HMGB1: variants seen among roughly 807,000 people sequenced by gnomAD.
HMGB1 encodes high mobility group box 1.
For missense variants in HMGB1, 79 were observed against 253.5 expected (o/e 0.31, Z 4.67); for synonymous variants, 81 against 84.0 (o/e 0.96, Z 0.19).
chr13:30,471,156 G>C (rs765275875), intron 1 of HMGB1, among the ~76,000 whole-genome samples: 5 of 151,592 alleles, frequency 3.3e-5, no homozygotes, highest in Non-Finnish European at 7.4e-5. Context: ...ATTTTTAGTA[G>C]AGACAGGGTT....
intron 1 of HMGB1, chr13:30,464,448 T>C: frequency 1.0e-6 from 1 of 985,180 alleles, no homozygotes; most frequent in Non-Finnish European, 1.2e-6. Context: ...CCGTGAAAGT[T>C]GGGGTGACTC....
At chr13:30,579,261 T>A (rs1416034516) in intron 1 of HMGB1, among the ~76,000 whole-genome samples, 1 of 152,164 alleles carries the variant, frequency 6.6e-6, no homozygotes, top group Non-Finnish European at 1.5e-5. Context: ...CATTATATCA[T>A]CACTTTTCAC....
At chr13:30,497,012 C>T (rs1887623134) in intron 1 of HMGB1, among the ~76,000 whole-genome samples, 1 of 152,156 alleles carries the variant, frequency 6.6e-6, no homozygotes, top group African/African-American at 2.4e-5. Context: ...CATCCCCTCC[C>T]CAGCCTTCAG....
intron 1 of HMGB1, among the ~76,000 whole-genome samples, chr13:30,487,424 G>A (rs1054233417): frequency 3.3e-5 from 5 of 152,202 alleles, no homozygotes; most frequent in African/African-American, 7.2e-5. Context: ...GCTGTTTCAC[G>A]TATCCTTTCC....
At chr13:30,591,019 G>C (rs1410010107) in intron 1 of HMGB1, among the ~76,000 whole-genome samples, 1 of 149,826 alleles carries the variant, frequency 6.7e-6, no homozygotes, top group Non-Finnish European at 1.5e-5. Flanking sequence ...TAGAAAAGGA[G>C]GCAGGGCCTT....
chr13:30,576,640 T>C (rs2137538565), intron 1 of HMGB1, among the ~76,000 whole-genome samples: 1 of 151,996 alleles, frequency 6.6e-6, no homozygotes, highest in Non-Finnish European at 1.5e-5. Flanking sequence ...TGACCCAGCC[T>C]GTGGCTTCCA....
intron 1 of HMGB1, among the ~76,000 whole-genome samples, chr13:30,512,872 CAT>C (rs1888022347): frequency 6.6e-6 from 1 of 152,120 alleles, no homozygotes; most frequent in Non-Finnish European, 1.5e-5. Context: ...TGTAAAACCA[CAT>C]GACTAGGGCC....
chr13:30,614,769 T>C (rs1319206613), intron 1 of HMGB1, among the ~76,000 whole-genome samples: 2 of 152,108 alleles, frequency 1.3e-5, no homozygotes, highest in Admixed American at 6.5e-5. Flanking sequence ...TAATCTCAGC[T>C]CATTGCAATC....
intron 1 of HMGB1, among the ~76,000 whole-genome samples, chr13:30,482,519 G>A (rs1444759834): frequency 2.0e-5 from 3 of 152,146 alleles, no homozygotes; most frequent in African/African-American, 4.8e-5. Flanking sequence ...TGGGGTGGGT[G>A]TTATTTTCCT....
At position 30,461,023 on chromosome 13, in the gene HMGB1, C is replaced by A. The variant is rs1886292065; in HGVS notation, c.*334G>T. The A allele has an allele frequency of 2.6e-6, 2 of 755,530 alleles. No individual in the cohort carries two copies. Among genetic ancestry groups the A allele is most frequent in the East Asian group, 1.0e-4 (1 of 9,550 alleles). The allele number at this position is 755,530 out of a possible 1,614,324, so 46.8% of individuals were successfully genotyped here. On this transcript the variant is annotated 3_prime_UTR_variant, in exon 5 of 5. Coordinates refer to ENST00000341423, the MANE Select transcript of HMGB1 (RefSeq NM_002128.7). ...AACAACAATTATTTCGTATAAGCTG[C>A]ATCAGAGACAACTGAAGATGAAAAA... is the stretch of plus-strand genomic sequence containing the variant.
chr13:30,481,807 T>C (rs146719859), intron 1 of HMGB1, among the ~76,000 whole-genome samples: 6 of 152,296 alleles, frequency 3.9e-5, no homozygotes, highest in East Asian at 3.9e-4. Context: ...ATTAGCCTGA[T>C]ATGCCAGCTC....
At chr13:30,603,637 G>A (rs17074775) in intron 1 of HMGB1, among the ~76,000 whole-genome samples, 14,154 of 152,222 alleles carry the variant, frequency 0.093, 633 homozygotes, top group Middle Eastern at 0.13. Flanking sequence ...AAATCTGCAT[G>A]AGCAGCCCAG....
chr13:30,611,551 T>C (rs1950513154), intron 1 of HMGB1, among the ~76,000 whole-genome samples: 1 of 152,210 alleles, frequency 6.6e-6, no homozygotes, highest in Admixed American at 6.5e-5. Flanking sequence ...AAATTCACCT[T>C]TGTGAGGGTC....
intron 1 of HMGB1, among the ~76,000 whole-genome samples, chr13:30,504,812 G>C (rs979091801): frequency 5.9e-5 from 9 of 152,170 alleles, no homozygotes. Context: ...TTGGAGGTGA[G>C]AGAACGAAGG....
intron 1 of HMGB1, among the ~76,000 whole-genome samples, chr13:30,579,893 A>G (rs987099844): frequency 1.3e-5 from 2 of 152,236 alleles, no homozygotes; most frequent in Admixed American, 6.5e-5. Flanking sequence ...GTGAAATAAA[A>G]AATGACTACT....
intron 1 of HMGB1, among the ~76,000 whole-genome samples, chr13:30,575,275 C>G (rs148266781): frequency 6.6e-6 from 1 of 152,156 alleles, no homozygotes; most frequent in Non-Finnish European, 1.5e-5. Flanking sequence ...GTGAGAAATA[C>G]AGCTCGAAGT....
At chr13:30,498,079 T>A (rs1316548666) in intron 1 of HMGB1, among the ~76,000 whole-genome samples, 1 of 152,194 alleles carries the variant, frequency 6.6e-6, no homozygotes, top group Non-Finnish European at 1.5e-5. Flanking sequence ...CTACCAGCAG[T>A]GTGTAAGCAT....
chr13:30,586,838 C>A (rs1234359173), intron 1 of HMGB1, among the ~76,000 whole-genome samples: 1 of 152,084 alleles, frequency 6.6e-6, no homozygotes. Flanking sequence ...GCATCTCAAA[C>A]TTAATGTGTT....
chr13:30,575,124 C>T (rs1394551800), intron 1 of HMGB1, among the ~76,000 whole-genome samples: 1 of 152,052 alleles, frequency 6.6e-6, no homozygotes, highest in Non-Finnish European at 1.5e-5. Flanking sequence ...ATTTTCATGC[C>T]ATAAAGTTAT....
Sources: gnomAD v4.1 joint callset for allele counts (sites outside exome capture counted in the v4.1 genomes callset) on GRCh38, gnomAD v4.1.1 for gene constraint, MANE v1.5 for transcripts, NCBI Gene and HGNC (gene_info 2026-07-23, HGNC 2026-07-21) for gene names.